RALYL: variants seen among roughly 807,000 people sequenced by gnomAD.
RALYL encodes RNA-binding Raly-like protein.
In RALYL, 29 loss-of-function variants were observed where a neutral mutation model predicts 35.1. The ratio of observed to expected loss-of-function variants is 0.83; its 90% CI spans 0.61 to 1.13. The LOEUF (loss-of-function observed/expected upper bound fraction) is 1.13. Ranked by LOEUF, RALYL falls within the 50% of genes most tolerant of loss-of-function variation. RALYL has a pLI of 0.00. For synonymous variants in RALYL, 120 were observed against 127.6 expected (o/e 0.94, Z 0.40); for missense variants, 359 against 360.4 (o/e 1.00, Z 0.03).
intron 2 of RALYL, among the ~76,000 whole-genome samples, chr8:84,629,449 A>G (rs1823462057): frequency 6.6e-6 from 1 of 152,088 alleles, no homozygotes; most frequent in Admixed American, 6.6e-5. Flanking sequence ...ATACAAATAT[A>G]TAAGGATATT....
chr8:84,797,888 G>A (rs1822316226), intron 3 of RALYL, among the ~76,000 whole-genome samples: 1 of 152,142 alleles, frequency 6.6e-6, no homozygotes, highest in African/African-American at 2.4e-5. Flanking sequence ...GAAAGCCAGT[G>A]GCATAGATCT....
At chr8:84,817,794 A>G (rs1827702201) in intron 4 of RALYL, among the ~76,000 whole-genome samples, 1 of 152,074 alleles carries the variant, frequency 6.6e-6, no homozygotes, top group South Asian at 2.1e-4. Context: ...ATTTCTAGCA[A>G]TCTTCCCACC....
At chr8:84,452,062 A>G (rs745394363) in intron 1 of RALYL, among the ~76,000 whole-genome samples, 3 of 151,890 alleles carry the variant, frequency 2.0e-5, no homozygotes, top group Non-Finnish European at 4.4e-5. Context: ...GTGTTCCTTG[A>G]CCCATTTAAT....
intron 2 of RALYL, among the ~76,000 whole-genome samples, chr8:84,640,461 TG>T (rs1299252327): frequency 2.0e-5 from 3 of 151,974 alleles, no homozygotes; most frequent in Non-Finnish European, 2.9e-5. Context: ...CAGAAGATTG[TG>T]TTAAGATTAT....
At chr8:84,851,195 CAAGT>C (rs959810523) in intron 5 of RALYL, among the ~76,000 whole-genome samples, 1 of 152,074 alleles carries the variant, frequency 6.6e-6, no homozygotes, top group African/African-American at 2.4e-5. Flanking sequence ...TGATCTGAAA[CAAGT>C]GAGTGAAGTG....
chr8:84,293,501 C>G (rs1839169469), intron 1 of RALYL, among the ~76,000 whole-genome samples: 1 of 151,460 alleles, frequency 6.6e-6, no homozygotes, highest in Non-Finnish European at 1.5e-5. Flanking sequence ...CCTGATTTCA[C>G]ATGGTCATTG....
chr8:84,889,089 A>G (rs1462084456), intron 8 of RALYL, among the ~76,000 whole-genome samples: 1 of 152,128 alleles, frequency 6.6e-6, no homozygotes, highest in African/African-American at 2.4e-5. Flanking sequence ...AACTTTTAAC[A>G]ACCACCCCTA....
At chr8:84,743,816 G>A (rs541208921) in intron 2 of RALYL, among the ~76,000 whole-genome samples, 98 of 152,132 alleles carry the variant, frequency 6.4e-4, no homozygotes, top group Non-Finnish European at 1.3e-3. Context: ...AAGACATTAC[G>A]CTAACTGAAA....
In RALYL at chr8:84,723,349, C is replaced by T. The variant is rs528470528; in HGVS notation, c.257-51230C>T. ...AAATCTTACACCTCCACTACCAGTGCAGTACTGACTTACTGTCGATTTGAA... is the reference window on the plus strand; with the variant it reads ...AAATCTTACACCTCCACTACCAGTGTAGTACTGACTTACTGTCGATTTGAA... On this transcript the variant is annotated intron_variant, in intron 2 of 8. Coordinates refer to ENST00000521268, the MANE Select transcript of RALYL (RefSeq NM_173848.7). Among the ~76,000 whole-genome samples the T allele has an allele frequency of 3.3e-5, 5 of 152,094 alleles. No individual in the cohort carries two copies. In the East Asian group the frequency reaches 9.7e-4, roughly 29 times the overall value.
chr8:84,869,344 A>G (rs1839765388), intron 6 of RALYL, among the ~76,000 whole-genome samples: 1 of 151,072 alleles, frequency 6.6e-6, no homozygotes, highest in Non-Finnish European at 1.5e-5. Flanking sequence ...GTGATATGCA[A>G]ATTTTATTTA....
At chr8:84,362,945 G>T (rs1853395823) in intron 1 of RALYL, among the ~76,000 whole-genome samples, 1 of 152,048 alleles carries the variant, frequency 6.6e-6, no homozygotes, top group African/African-American at 2.4e-5. Context: ...AGGACACAGT[G>T]GGGAAATAAG....
intron 1 of RALYL, among the ~76,000 whole-genome samples, chr8:84,187,459 T>C (rs930706337): frequency 5.3e-5 from 8 of 152,236 alleles, no homozygotes; most frequent in African/African-American, 1.9e-4. Context: ...CCCTGATTTT[T>C]TTCTTAACAT....
intron 5 of RALYL, among the ~76,000 whole-genome samples, chr8:84,854,641 C>T (rs1173080253): frequency 1.2e-4 from 18 of 152,200 alleles, no homozygotes; most frequent in Admixed American, 1.2e-3. Context: ...AATTACACTA[C>T]TTACGTATAA....
intron 2 of RALYL, among the ~76,000 whole-genome samples, chr8:84,621,605 C>T (rs1237275617): frequency 6.6e-6 from 1 of 152,224 alleles, no homozygotes; most frequent in Non-Finnish European, 1.5e-5. Flanking sequence ...TCCTATTCAG[C>T]CATCTTGGCT....
intron 2 of RALYL, among the ~76,000 whole-genome samples, chr8:84,738,537 T>A (rs1351812966): frequency 2.6e-5 from 4 of 151,578 alleles, no homozygotes; most frequent in African/African-American, 9.7e-5. Flanking sequence ...CCCTTTCTTA[T>A]TTTTTACTTT....
chr8:84,316,866 G>C (rs767807261), intron 1 of RALYL, among the ~76,000 whole-genome samples: 1 of 152,114 alleles, frequency 6.6e-6, no homozygotes, highest in Non-Finnish European at 1.5e-5. Context: ...AGTCAGTAGA[G>C]AGCTACTGCT....
chr8:84,799,277 T>C (rs1822634477), intron 3 of RALYL, among the ~76,000 whole-genome samples: 1 of 152,206 alleles, frequency 6.6e-6, no homozygotes, highest in African/African-American at 2.4e-5. Flanking sequence ...AAAATAGTTA[T>C]GAAGTACCAC....
At chr8:84,514,345 T>C (rs904980689) in intron 1 of RALYL, among the ~76,000 whole-genome samples, 5 of 152,142 alleles carry the variant, frequency 3.3e-5, no homozygotes, top group African/African-American at 1.2e-4. Context: ...AATTTAACAA[T>C]AGGTAAGTGG....
chr8:84,552,348 ATATATATATATTT>A (rs1166660386), intron 2 of RALYL, among the ~76,000 whole-genome samples: 1 of 70,028 alleles, frequency 1.4e-5, no homozygotes, highest in African/African-American at 7.3e-5. Context: ...GTATATATAT[ATATATATATATTT>A]TTTTTTTTTT....
Sources: allele counts gnomAD v4.1 joint callset (sites outside exome capture counted in the v4.1 genomes callset), GRCh38; gene constraint gnomAD v4.1.1; transcripts MANE v1.5; gene names NCBI Gene and HGNC (gene_info 2026-07-23, HGNC 2026-07-21).